Variants in VWA8 observed in about 807,000 individuals in gnomAD.
The protein encoded by VWA8 is von Willebrand factor A domain containing 8.
Under a neutral mutation model 241.5 loss-of-function variants are expected in VWA8, and 221 were observed. The ratio of observed to expected loss-of-function variants is 0.91; its 90% CI spans 0.82 to 1.02. The LOEUF is 1.02. Among genes scored for constraint, VWA8 ranks in the 50% least tolerant of loss-of-function variants. The probability of loss-of-function intolerance (pLI) is 0.00; values close to 1 mark genes in which losing one functional copy is unlikely to be tolerated. For synonymous variants in VWA8, 852 were observed against 827.1 expected (o/e 1.03, Z -0.52); for missense variants, 2,322 against 2,328.7 (o/e 1.00, Z 0.06).
At chr13:41,653,716 T>G (rs983656156) in intron 37 of VWA8, among the ~76,000 whole-genome samples, 1 of 152,038 alleles carries the variant, frequency 6.6e-6, no homozygotes, top group African/African-American at 2.4e-5. Flanking sequence ...AACAGACACA[T>G]AGACCAATGG....
intron 4 of VWA8, among the ~76,000 whole-genome samples, chr13:41,891,882 C>A (rs1214105788): frequency 6.6e-6 from 1 of 152,132 alleles, no homozygotes; most frequent in Admixed American, 6.5e-5. Flanking sequence ...AAAAAACTAA[C>A]AGCTATCTAT....
chr13:41,958,176 T>C (rs1878432781), intron 1 of VWA8, among the ~76,000 whole-genome samples: 1 of 152,212 alleles, frequency 6.6e-6, no homozygotes, highest in South Asian at 2.1e-4. Context: ...GCTTGTTTTG[T>C]TTTTAACATA....
chr13:41,852,071 C>T (rs565129208), intron 12 of VWA8, among the ~76,000 whole-genome samples: 2 of 152,296 alleles, frequency 1.3e-5, no homozygotes, highest in East Asian at 3.9e-4. Flanking sequence ...ATTTCTTCTC[C>T]ACATGCTTAC....
intron 10 of VWA8, among the ~76,000 whole-genome samples, chr13:41,867,948 C>G (rs561886680): frequency 2.0e-5 from 3 of 152,212 alleles, no homozygotes; most frequent in Admixed American, 1.3e-4. Context: ...TATTATTTCC[C>G]TCTCTAAAAA....
chr13:41,907,974 T>C (rs1281219243), intron 3 of VWA8, among the ~76,000 whole-genome samples: 1 of 152,240 alleles, frequency 6.6e-6, no homozygotes, highest in Non-Finnish European at 1.5e-5. Context: ...TAATTTTTCC[T>C]GTAGAATTAT....
rs535977797 is a variant in VWA8, at chr13:41,589,700, C to T, written c.5112+940G>A. 2.6e-5 allele frequency among the ~76,000 whole-genome samples: 4 copies of T among 152,318 alleles called. No homozygotes were observed. The South Asian group carries it at 8.3e-4, about 32-fold the overall frequency. ...GGGCCCTTCCCTGAGTTTTCATCAACTGAACTCATATCACAGGAAGAAAGG... is the reference window on the plus strand; with the variant it reads ...GGGCCCTTCCCTGAGTTTTCATCAATTGAACTCATATCACAGGAAGAAAGG... On this transcript the variant is annotated intron_variant, in intron 41 of 44. Transcript: ENST00000379310.
At chr13:41,691,200 C>T (rs1349192253) in intron 32 of VWA8, 120 bp downstream of exon 32, 1 of 1,288,096 alleles carries the variant, frequency 7.8e-7, no homozygotes, top group Non-Finnish European at 1.0e-6. Context: ...GAGATGCTGC[C>T]AAACACAGAA....
chr13:41,938,520 AC>A (rs1877453418), intron 2 of VWA8, among the ~76,000 whole-genome samples: 2 of 152,152 alleles, frequency 1.3e-5, no homozygotes, highest in South Asian at 4.2e-4. Context: ...GCGTAGTGGC[AC>A]GTGCCTGTAG....
intron 36 of VWA8, among the ~76,000 whole-genome samples, chr13:41,672,380 A>G (rs1189922387): frequency 1.3e-5 from 2 of 152,144 alleles, no homozygotes; most frequent in Non-Finnish European, 2.9e-5. Flanking sequence ...CCTTTATCTG[A>G]GTATAGCTCT....
At chr13:41,744,659 C>T (rs1593738276) in intron 21 of VWA8, among the ~76,000 whole-genome samples, 2 of 152,104 alleles carry the variant, frequency 1.3e-5, no homozygotes, top group South Asian at 2.1e-4. Flanking sequence ...GAGGTATCTT[C>T]GTCACTCTGT....
In VWA8 at chr13:41,768,116, T is replaced by A. The variant is rs79188642; in HGVS notation, c.2350-6912A>T. Among the ~76,000 whole-genome samples, 1,248 of 152,350 alleles carry A rather than the reference T, an allele frequency of 8.2e-3. 17 individuals are homozygous for A. The highest frequency in any genetic ancestry group is 0.029 in the African/African-American group (1,196 of 41,574). On this transcript the variant is annotated intron_variant, in intron 20 of 44. Coordinates refer to ENST00000379310, the MANE Select transcript of VWA8 (RefSeq NM_015058.2). ...GTGCCACTGTATTTGATGAAACAAG[T>A]ATTTCATAGCCTTGGGATCCCCAGG...
chr13:41,871,897 G>C lies in VWA8; in HGVS notation c.1081-3420C>G, dbSNP rs543199044. Among the ~76,000 whole-genome samples, 4 of 152,298 alleles carry C rather than the reference G, an allele frequency of 2.6e-5. No individual in the cohort carries two copies. The South Asian group carries it at 8.3e-4, about 32-fold the overall frequency. ...AATCGCCACACTGACTTCCACAATGGTTGAACTAGTTTACAGTCCCACCAA... is the reference window on the plus strand; with the variant it reads ...AATCGCCACACTGACTTCCACAATGCTTGAACTAGTTTACAGTCCCACCAA... On this transcript the variant is annotated intron_variant, in intron 9 of 44. Transcript: ENST00000379310.
chr13:41,604,868 A>C (rs896138079), intron 40 of VWA8, among the ~76,000 whole-genome samples: 2 of 152,160 alleles, frequency 1.3e-5, no homozygotes, highest in Admixed American at 1.3e-4. Context: ...TAATATTTTC[A>C]GGAGGAGTAG....
At chr13:41,915,675 GAA>G (rs906142287) in intron 2 of VWA8, among the ~76,000 whole-genome samples, 20 of 152,292 alleles carry the variant, frequency 1.3e-4, no homozygotes, top group African/African-American at 4.8e-4. Context: ...TTTTAGCGAG[GAA>G]ATCAGTAGAG....
At chr13:41,946,653 TA>T (rs536046175) in intron 2 of VWA8, among the ~76,000 whole-genome samples, 197 of 135,292 alleles carry the variant, frequency 1.5e-3, no homozygotes, top group South Asian at 9.9e-3. Flanking sequence ...ACAAAATAAT[TA>T]AAAAAAAAAA....
Position 41,766,721 on chromosome 13 carries a change from ACT to A in VWA8, c.2350-5519_2350-5518del, listed in dbSNP as rs539686062. On this transcript the variant is annotated intron_variant, in intron 20 of 44. Transcript: ENST00000379310. ...CTGTCCCGTTGTTTTCTCTCCTTTA[ACT>A]CTCAGCACCAGAATGATTTCCTCCT... Among the ~76,000 whole-genome samples, 206 of 151,842 alleles carry A rather than the reference ACT, an allele frequency of 1.4e-3. 2 individuals are homozygous for A. The highest frequency in any genetic ancestry group is 5.2e-3 in the East Asian group (27 of 5,170).
intron 1 of VWA8, among the ~76,000 whole-genome samples, chr13:41,953,293 C>T (rs1485954999): frequency 1.3e-5 from 2 of 152,210 alleles, no homozygotes; most frequent in Admixed American, 1.3e-4. Flanking sequence ...TGGAACACTA[C>T]ACCCAACAAC....
At chr13:41,641,978 C>G (rs990123392) in intron 37 of VWA8, among the ~76,000 whole-genome samples, 5 of 152,184 alleles carry the variant, frequency 3.3e-5, no homozygotes, top group Non-Finnish European at 7.3e-5. Flanking sequence ...GGTCATATGT[C>G]TTGCTGTGCC....
At chr13:41,784,729 T>TATATATATATATATATAC (rs772522331) in intron 18 of VWA8, among the ~76,000 whole-genome samples, 3 of 60,076 alleles carry the variant, frequency 5.0e-5, no homozygotes, top group East Asian at 7.5e-4. Context: ...TATATATATA[T>TATATATATATATATATAC]ACACACACAT....
Sources: allele counts gnomAD v4.1 joint callset (sites outside exome capture counted in the v4.1 genomes callset), GRCh38; gene constraint gnomAD v4.1.1; transcripts MANE v1.5; gene names NCBI Gene and HGNC (gene_info 2026-07-23, HGNC 2026-07-21).